The following RAB11FIP1 variants were observed in gnomAD, a reference collection of about 807,000 sequenced individuals.
RAB11FIP1 encodes RAB11 family interacting protein 1.
A neutral mutation model predicts 83.1 loss-of-function variants in RAB11FIP1; 49 were observed. The ratio of observed to expected loss-of-function variants is 0.59; its 90% CI spans 0.47 to 0.75. The LOEUF is 0.75. Among genes scored for constraint, RAB11FIP1 ranks in the 30% least tolerant of loss-of-function variants. The probability of loss-of-function intolerance (pLI) is 0.00; values close to 1 mark genes in which losing one functional copy is unlikely to be tolerated. For synonymous variants in RAB11FIP1, 670 were observed against 656.0 expected (o/e 1.02, Z -0.33); for missense variants, 1,536 against 1,598.7 (o/e 0.96, Z 0.67).
intron 1 of RAB11FIP1, 72 bp downstream of exon 1, chr8:37,898,999 C>A: frequency 7.2e-7 from 1 of 1,385,478 alleles, no homozygotes; most frequent in South Asian, 1.6e-5. Flanking sequence ...TCGAAGGGTC[C>A]AGCGCCCAGA....
At chr8:37,895,440 C>A (rs1189241744) in intron 1 of RAB11FIP1, among the ~76,000 whole-genome samples, 1 of 148,764 alleles carries the variant, frequency 6.7e-6, no homozygotes, top group African/African-American at 2.5e-5. Context: ...AATCTAGGGT[C>A]CCAAACTATA....
intron 1 of RAB11FIP1, among the ~76,000 whole-genome samples, chr8:37,894,901 G>A (rs1169191905): frequency 6.7e-6 from 1 of 149,728 alleles, no homozygotes; most frequent in African/African-American, 2.4e-5. Context: ...AGGCACCCAG[G>A]CACCTGCCAC....
chr8:37,874,032 A>G (rs539083748), intron 3 of RAB11FIP1, among the ~76,000 whole-genome samples: 3 of 152,370 alleles, frequency 2.0e-5, no homozygotes, highest in African/African-American at 7.2e-5. Context: ...TCTTACAACA[A>G]GGGGCAGAGT....
At chr8:37,895,634 C>A (rs1367446305) in intron 1 of RAB11FIP1, among the ~76,000 whole-genome samples, 1 of 151,852 alleles carries the variant, frequency 6.6e-6, no homozygotes, top group Non-Finnish European at 1.5e-5. Flanking sequence ...TCCTAATGGG[C>A]CACACATTCT....
chr8:37,860,357 T>A lies in RAB11FIP1; in HGVS notation c.*2538A>T, dbSNP rs1397931052. On this transcript the variant is annotated 3_prime_UTR_variant, in exon 6 of 6. Transcript: ENST00000330843. ...CATGTACCTTTTCTTTCTTTCTTTTTTTTGAGACAGAGTCTCGCCCGTTGC... is the reference window on the plus strand; with the variant it reads ...CATGTACCTTTTCTTTCTTTCTTTTATTTGAGACAGAGTCTCGCCCGTTGC... The A allele has an allele frequency of 1.3e-5, 2 of 152,584 alleles. No individual in the cohort carries two copies. The highest frequency in any genetic ancestry group is 2.4e-5 in the African/African-American group (1 of 41,470). 9.5% of individuals were successfully genotyped at this position (152,584 alleles called of 1,614,324 possible).
chr8:37,869,708 TA>T (rs908361227), intron 5 of RAB11FIP1, among the ~76,000 whole-genome samples: 2 of 152,026 alleles, frequency 1.3e-5, no homozygotes, highest in African/African-American at 2.4e-5. Context: ...AAATGATTTT[TA>T]AAAAAAATTA....
rs373565958 is a variant in RAB11FIP1, at chr8:37,877,487, T to G, written c.436A>C (p.Ile146Leu). 8.7e-6 allele frequency: 14 copies of G among 1,613,380 alleles called. No individual in the cohort carries two copies. The highest frequency in any genetic ancestry group is 1.1e-5 in the Non-Finnish European group (13 of 1,179,964). Residue 146 changes from isoleucine to leucine, a missense_variant, in exon 2 of 6, where the codon ATC becomes CTC. Physicochemically the swap from Ile to Leu is conservative, Grantham distance 5. Transcript: ENST00000330843. Reference sequence around the variant, plus strand: ...GTCATGTTGTTTCTCATAAACTGGATGTCAACCTCAATTTCTCCTCGCTCC... The same window carrying G: ...GTCATGTTGTTTCTCATAAACTGGAGGTCAACCTCAATTTCTCCTCGCTCC... ...DKERGEIEVD[I>L]QFMRNNMTAS...
intron 1 of RAB11FIP1, among the ~76,000 whole-genome samples, chr8:37,879,739 C>T (rs531775729): frequency 3.9e-5 from 6 of 152,034 alleles, no homozygotes; most frequent in Admixed American, 6.5e-5. Context: ...AAAAAATAGC[C>T]GGGTGTTGTG....
In RAB11FIP1 at chr8:37,892,740, C is replaced by G. The variant is rs975804020; in HGVS notation, c.371+6331G>C. The stretch of plus-strand genomic sequence containing the variant: ...GGTGTAAGCCACTGTGCCCAGCCCC[C>G]ACTGCTTTTAATTTTAACACTCAGT... On this transcript the variant is annotated intron_variant, in intron 1 of 5. Transcript: ENST00000330843. Among the ~76,000 whole-genome samples, 3 of 152,132 alleles carry G rather than the reference C, an allele frequency of 2.0e-5. No individual in the cohort carries two copies. In the East Asian group the frequency reaches 5.8e-4, roughly 29 times the overall value.
chr8:37,880,430 C>A (rs576643374), intron 1 of RAB11FIP1, among the ~76,000 whole-genome samples: 1 of 152,026 alleles, frequency 6.6e-6, no homozygotes, highest in African/African-American at 2.4e-5. Context: ...TCCCGAGTAG[C>A]TGGGACTACA....
intron 1 of RAB11FIP1, among the ~76,000 whole-genome samples, chr8:37,888,252 G>A (rs550155839): frequency 1.1e-4 from 17 of 150,934 alleles, no homozygotes; most frequent in South Asian, 4.2e-4. Flanking sequence ...GATTACAGGC[G>A]CCCACCACTA....
Position 37,858,648 on chromosome 8 carries a change from AGG to A in RAB11FIP1, c.*4245_*4246del, listed in dbSNP as rs1806173196. On this transcript the variant is annotated 3_prime_UTR_variant, in exon 6 of 6. Coordinates refer to ENST00000330843, the MANE Select transcript of RAB11FIP1 (RefSeq NM_001002814.3). ...AAGACCCTGTCCAAATGCTCAGCCA[AGG>A]GTACCGGCTGCAAAGGAAAAGGGGG... 6.6e-6 allele frequency: 1 copy of A among 152,290 alleles called. No homozygotes were observed. The highest frequency in any genetic ancestry group is 2.4e-5 in the African/African-American group (1 of 41,470). The allele number at this position is 152,290 out of a possible 1,614,324, so 9.4% of individuals were successfully genotyped here.
At chr8:37,877,064 G>T (rs768291494) in intron 2 of RAB11FIP1, 45 bp downstream of exon 2, 1 of 1,360,182 alleles carries the variant, frequency 7.4e-7, no homozygotes, top group South Asian at 1.2e-5. Context: ...ACGAAGCATG[G>T]TAAGAGGAAG....
At chr8:37,880,362 G>T (rs534722878) in intron 1 of RAB11FIP1, among the ~76,000 whole-genome samples, 1 of 152,026 alleles carries the variant, frequency 6.6e-6, no homozygotes, top group African/African-American at 2.4e-5. Flanking sequence ...GCAATGGCGC[G>T]ATCTCGGCTC....
intron 1 of RAB11FIP1, among the ~76,000 whole-genome samples, chr8:37,898,786 A>T (rs1416886280): frequency 6.9e-6 from 1 of 144,652 alleles, no homozygotes; most frequent in Non-Finnish European, 1.5e-5. Context: ...TGCCATTGCC[A>T]TTGCACTCCA....
At position 37,871,885 on chromosome 8, in the gene RAB11FIP1, C is replaced by A. The variant is rs764410993; in HGVS notation, c.2917G>T (p.Asp973Tyr). 3 of 1,614,218 alleles carry A rather than the reference C, an allele frequency of 1.9e-6. No individual in the cohort carries two copies. Among genetic ancestry groups the A allele is most frequent in the South Asian group, 1.1e-5 (1 of 91,086 alleles). The change falls in exon 4 of 6, where the codon GAT becomes TAT. Residue 973 changes from aspartate (D) to tyrosine (Y), a missense_variant. Transcript: ENST00000330843. ...TGATCTCCGTCATCTTCAACCTGATCTATTCTTTCATCATCCGATGCGACT... is the reference window on the plus strand; with the variant it reads ...TGATCTCCGTCATCTTCAACCTGATATATTCTTTCATCATCCGATGCGACT... Reference protein sequence around the residue: ...PEVASDDERIDQVEDDGDQVE... With the variant: ...PEVASDDERIYQVEDDGDQVE...
chr8:37,883,159 T>G (rs532885667), intron 1 of RAB11FIP1, among the ~76,000 whole-genome samples: 16 of 135,804 alleles, frequency 1.2e-4, no homozygotes, highest in African/African-American at 3.9e-4. Context: ...AATTGTTTCG[T>G]TTTTTTTTTT....
chr8:37,888,042 T>C (rs1043453087), intron 1 of RAB11FIP1, among the ~76,000 whole-genome samples: 18 of 152,246 alleles, frequency 1.2e-4, no homozygotes, highest in African/African-American at 4.3e-4. Flanking sequence ...GATTTGCATT[T>C]GAAGGGAACA....
At chr8:37,871,216 C>T (rs756311435) in intron 4 of RAB11FIP1, 62 bp downstream of exon 4, 58 of 1,533,652 alleles carry the variant, frequency 3.8e-5, no homozygotes, top group Middle Eastern at 2.5e-4. Flanking sequence ...GTAACCTCTG[C>T]AGGTAGGAAG....
Sources: allele counts gnomAD v4.1 joint callset (sites outside exome capture counted in the v4.1 genomes callset), GRCh38; gene constraint gnomAD v4.1.1; transcripts MANE v1.5; gene names NCBI Gene and HGNC (gene_info 2026-07-23, HGNC 2026-07-21).